The following DNAH5 variants were observed in gnomAD, a reference collection of about 807,000 sequenced individuals.
The protein encoded by DNAH5 is axonemal beta dynein heavy chain 5.
Under a neutral mutation model 518.2 loss-of-function variants are expected in DNAH5, and 372 were observed. The observed-to-expected ratio is 0.72, with a 90% CI of 0.66 to 0.78. The LOEUF (loss-of-function observed/expected upper bound fraction) is 0.78. DNAH5 is among the 30% of genes least tolerant of loss of function. The pLI, the probability that DNAH5 is intolerant of heterozygous loss-of-function variation, is 0.00. For synonymous variants in DNAH5, 2,039 were observed against 2,025.9 expected, an observed-to-expected ratio of 1.01 and a Z score of -0.17; for missense variants, 5,523 against 5,687.0, an observed-to-expected ratio of 0.97 and a Z score of 0.93.
At chr5:13,986,903 C>T (rs1783089907) in intron 1 of DNAH5, among the ~76,000 whole-genome samples, 2 of 152,226 alleles carry the variant, frequency 1.3e-5, no homozygotes, top group Admixed American at 1.3e-4. Flanking sequence ...ATGCCTCTCG[C>T]CACCTGTCCC....
At position 13,808,960 on chromosome 5, in the gene DNAH5, A is replaced by G. The variant is rs933846323; in HGVS notation, c.7752+84T>C. On this transcript the variant is annotated intron_variant, in intron 46 of 78. Transcript: ENST00000265104. ...GGGCGACAGAGTGAGACTCCGTCTC[A>G]GTAAATAACTAAATAAATAAATGCA... 20 of 1,538,290 alleles carry G rather than the reference A, an allele frequency of 1.3e-5. No homozygotes were observed. In the African/African-American group the frequency reaches 1.8e-4, roughly 14 times the overall value.
chr5:13,752,197 T>C lies in DNAH5; in HGVS notation c.10965A>G (p.Glu3655=). The C allele has an allele frequency of 6.2e-7, 1 of 1,614,038 alleles. No individual in the cohort carries two copies. Among genetic ancestry groups the C allele is most frequent in the Non-Finnish European group, 8.5e-7 (1 of 1,179,952 alleles). The change falls in exon 64 of 79, where the codon GAA becomes GAG. Residue 3655 remains glutamate, a synonymous_variant. Transcript: ENST00000265104. ...RPLLIEDVGE[E]LDPALDNVLE... is the part of the protein sequence containing the mutation. ...AAACATTATCTAGTGCTGGATCTAGTTCCTCTCCAACATCTTCAATAAGCA... is the reference window on the plus strand; with the variant it reads ...AAACATTATCTAGTGCTGGATCTAGCTCCTCTCCAACATCTTCAATAAGCA...
At position 13,794,052 on chromosome 5, in the gene DNAH5, T is replaced by A; in HGVS notation, c.7894A>T (p.Ile2632Leu). The change falls in exon 48 of 79, where the codon ATA becomes TTA. Residue 2632 changes from isoleucine to leucine, a missense_variant. Ile to Leu is a conservative substitution (Grantham distance 5). This residue lies in a region of DNAH5 where 5,121 missense variants were observed against 5,223.3 expected (regional missense o/e 0.98). Transcript: ENST00000265104. ...ATTCGTTTATCCACATAGCTCTCTATCGTCCTCTGTGAAAAAAAAATCAAC... is the reference window on the plus strand; with the variant it reads ...ATTCGTTTATCCACATAGCTCTCTAACGTCCTCTGTGAAAAAAAAATCAAC... ...ATTPLMFQRT[I>L]ESYVDKRMGT... is the part of the protein sequence containing the mutation. 1 of 1,614,114 alleles carries A rather than the reference T, an allele frequency of 6.2e-7. No individual in the cohort carries two copies. Among genetic ancestry groups the A allele is most frequent in the Non-Finnish European group, 8.5e-7 (1 of 1,179,998 alleles).
chr5:13,867,694 C>T, intron 25 of DNAH5, 80 bp downstream of exon 25: 1 of 1,127,386 alleles, frequency 8.9e-7, no homozygotes. Flanking sequence ...GAAATTTACC[C>T]ATAATTTTTA....
chr5:13,787,190 C>T (rs1331354406), intron 51 of DNAH5, among the ~76,000 whole-genome samples: 1 of 145,126 alleles, frequency 6.9e-6, no homozygotes, highest in Non-Finnish European at 1.5e-5. Flanking sequence ...GGAAACAGAG[C>T]GAGACTCTGT....
Position 13,805,491 on chromosome 5 carries a change from C to T in DNAH5, c.7887+2100G>A, listed in dbSNP as rs141819047. Among the ~76,000 whole-genome samples, 615 of 151,542 alleles carry T rather than the reference C, an allele frequency of 4.1e-3. 3 individuals carry two copies. The highest frequency in any genetic ancestry group is 0.014 in the African/African-American group (580 of 41,310). ...CCAGCCTGGTGACAGAGCGAGGCTC[C>T]GTTTCAAAAAAAATAAAAAGATCTG... On this transcript the variant is annotated intron_variant, in intron 47 of 78. Transcript: ENST00000265104.
At chr5:13,775,008 G>A (rs887993913) in intron 55 of DNAH5, among the ~76,000 whole-genome samples, 2 of 151,856 alleles carry the variant, frequency 1.3e-5, no homozygotes, top group African/African-American at 4.8e-5. Context: ...AAATACTCTT[G>A]ATCTGTGCTC....
chr5:13,749,748 C>A (rs1749939506), intron 65 of DNAH5, among the ~76,000 whole-genome samples: 1 of 152,212 alleles, frequency 6.6e-6, no homozygotes, highest in Admixed American at 6.5e-5. Flanking sequence ...CCCTCAGGAA[C>A]TTCCACTTGC....
chr5:13,963,488 A>G (rs1781326969), intron 1 of DNAH5, among the ~76,000 whole-genome samples: 1 of 151,916 alleles, frequency 6.6e-6, no homozygotes, highest in Non-Finnish European at 1.5e-5. Context: ...TGAGGCAGGA[A>G]GAATCGCTTG....
chr5:13,691,840 A>G lies in DNAH5; in HGVS notation c.*144T>C. The G allele has an allele frequency of 4.3e-6, 4 of 927,456 alleles. No homozygotes were observed. The South Asian group carries it at 6.2e-5, about 14-fold the overall frequency. 57.5% of individuals were successfully genotyped at this position (927,456 alleles called of 1,614,324 possible). ...GAAACAAGTAAAATATAAGCATCCA[A>G]TTAAGGAGTGGGGAAAACCTATGCA... On this transcript the variant is annotated 3_prime_UTR_variant, in exon 79 of 79. Transcript: ENST00000265104.
chr5:13,991,726 T>G (rs1016903566), intron 1 of DNAH5, among the ~76,000 whole-genome samples: 1 of 152,136 alleles, frequency 6.6e-6, no homozygotes, highest in African/African-American at 2.4e-5. Flanking sequence ...TTCATTTTCT[T>G]ATGACTGAGG....
intron 29 of DNAH5, among the ~76,000 whole-genome samples, chr5:13,861,914 T>C (rs574517554): frequency 3.8e-4 from 49 of 130,472 alleles, no homozygotes; most frequent in African/African-American, 1.2e-3. Context: ...GATCACGCCA[T>C]TGCACTCCAG....
chr5:13,817,677 G>A lies in DNAH5; in HGVS notation c.6859C>T (p.Arg2287Trp), dbSNP rs747326567. 3.2e-5 allele frequency: 51 copies of A among 1,613,960 alleles called. No homozygotes were observed. In the Admixed American group the frequency reaches 5.5e-4, roughly 17 times the overall value. ...RAMTDCGKPH[R>W]EMRMNPKAIT... Reference sequence around the variant, plus strand: ...GCTTTGGGATTCATCCTCATTTCCCGATGTGGTTTTCCACAATCTATACCA... The same window carrying A: ...GCTTTGGGATTCATCCTCATTTCCCAATGTGGTTTTCCACAATCTATACCA... Residue 2287 changes from arginine (R) to tryptophan (W), a missense_variant, in exon 42 of 79, where the codon CGG (arginine) becomes TGG (tryptophan). Physicochemically the swap from Arg to Trp is moderately radical, Grantham distance 101. Around this residue, in one of 3 missense-constraint regions of DNAH5, gnomAD observed 5,121 missense variants for 5,223.3 expected, o/e 0.98. Coordinates refer to ENST00000265104, the MANE Select transcript of DNAH5 (RefSeq NM_001369.3).
At chr5:13,787,282 T>C (rs1162469605) in intron 51 of DNAH5, among the ~76,000 whole-genome samples, 2 of 151,318 alleles carry the variant, frequency 1.3e-5, no homozygotes, top group African/African-American at 2.4e-5. Context: ...ACATTAGTAA[T>C]AGGGAAAAAA....
At chr5:13,935,562 G>A (rs982978364) in intron 1 of DNAH5, among the ~76,000 whole-genome samples, 2 of 152,088 alleles carry the variant, frequency 1.3e-5, no homozygotes, top group Non-Finnish European at 2.9e-5. Context: ...GTCAATCCTA[G>A]TGTCATATAG....
intron 38 of DNAH5, among the ~76,000 whole-genome samples, chr5:13,825,608 C>T (rs754162207): frequency 5.3e-4 from 80 of 152,130 alleles, no homozygotes; most frequent in Admixed American, 3.9e-3. Flanking sequence ...ATGGCAGTCA[C>T]AAAAAATCAA....
rs1326207172 is a variant in DNAH5 at position 13,823,260 on chromosome 5, T to C, written c.6687+3A>G. Reference sequence around the variant, plus strand: ...GCCCTCGTTGCCCTGTGAAGCATATTACCTGTCTACTAATTGCTGCTTCCA... The same window carrying C: ...GCCCTCGTTGCCCTGTGAAGCATATCACCTGTCTACTAATTGCTGCTTCCA... On this transcript the variant is annotated splice_donor_region_variant and intron_variant, in intron 40 of 78. Coordinates refer to ENST00000265104, the MANE Select transcript of DNAH5 (RefSeq NM_001369.3). 1.3e-6 allele frequency: 2 copies of C among 1,581,894 alleles called. No individual in the cohort carries two copies. The highest frequency in any genetic ancestry group is 1.7e-5 in the Admixed American group (1 of 59,988).
At chr5:13,976,915 T>C (rs539276958) in intron 1 of DNAH5, among the ~76,000 whole-genome samples, 28 of 152,250 alleles carry the variant, frequency 1.8e-4, no homozygotes, top group African/African-American at 6.3e-4. Flanking sequence ...ACATAAAATA[T>C]ATTGGTCTGG....
intron 21 of DNAH5, among the ~76,000 whole-genome samples, chr5:13,881,329 G>A (rs985192609): frequency 1.3e-5 from 2 of 151,904 alleles, no homozygotes; most frequent in African/African-American, 4.8e-5. Context: ...CCATCTAACA[G>A]AACAGCATAT....
Sources: gnomAD v4.1 joint callset for allele counts (sites outside exome capture counted in the v4.1 genomes callset) on GRCh38, gnomAD v4.1.1 for gene constraint, gnomAD v4.1.1 regional missense constraint, MANE v1.5 for transcripts, NCBI Gene and HGNC (gene_info 2026-07-23, HGNC 2026-07-21) for gene names.